LRRTM4: variants seen among roughly 807,000 people sequenced by gnomAD.
The protein encoded by LRRTM4 is leucine-rich repeat transmembrane neuronal protein 4.
A neutral mutation model predicts 47.6 loss-of-function variants in LRRTM4; 25 were observed. That is an observed-to-expected ratio of 0.53 (90% CI 0.38 to 0.73). LRRTM4 has a LOEUF of 0.73. Ranked by LOEUF, LRRTM4 falls within the 30% of genes least tolerant of loss-of-function variation. LRRTM4 has a pLI of 0.00. For synonymous variants in LRRTM4, 311 were observed against 269.5 expected (o/e 1.15, Z -1.51); for missense variants, 638 against 713.4 (o/e 0.89, Z 1.20).
At chr2:76,790,205 G>C (rs1056206519) in intron 3 of LRRTM4, among the ~76,000 whole-genome samples, 20 of 152,124 alleles carry the variant, frequency 1.3e-4, no homozygotes, top group African/African-American at 4.6e-4. Context: ...TCTGTTCTAG[G>C]ACTATGAGTT....
At chr2:76,842,700 T>C (rs1193394760) in intron 3 of LRRTM4, among the ~76,000 whole-genome samples, 1 of 151,950 alleles carries the variant, frequency 6.6e-6, no homozygotes, top group African/African-American at 2.4e-5. Flanking sequence ...CCTCCAATTT[T>C]CTTTTTTTAA....
chr2:76,853,411 A>C (rs982678098), intron 3 of LRRTM4, among the ~76,000 whole-genome samples: 9 of 152,094 alleles, frequency 5.9e-5, no homozygotes, highest in African/African-American at 2.2e-4. Flanking sequence ...TGTTGAGAGC[A>C]CCTGCCACCA....
At chr2:77,408,424 TTAAAA>T (rs1674294531) in intron 3 of LRRTM4, among the ~76,000 whole-genome samples, 1 of 152,206 alleles carries the variant, frequency 6.6e-6, no homozygotes, top group Non-Finnish European at 1.5e-5. Context: ...AAATCCCAAT[TTAAAA>T]TAAGTCATTA....
chr2:77,408,682 G>T lies in LRRTM4; in HGVS notation c.1551+109636C>A, dbSNP rs180903518. Among the ~76,000 whole-genome samples the T allele has an allele frequency of 1.3e-3, 202 of 152,234 alleles. 5 individuals are homozygous for T. Among genetic ancestry groups the T allele is most frequent in the Admixed American group, 0.012 (185 of 15,290 alleles). On this transcript the variant is annotated intron_variant, in intron 3 of 3. Transcript: ENST00000409884. ...CAGGAAGGATAGGTGCTTCTCCTCT[G>T]TCAAGCTCTGATTCCCCATTGTGGC...
At chr2:77,391,286 T>C (rs1673495020) in intron 3 of LRRTM4, among the ~76,000 whole-genome samples, 1 of 152,028 alleles carries the variant, frequency 6.6e-6, no homozygotes, top group Non-Finnish European at 1.5e-5. Flanking sequence ...AAATGGTCTC[T>C]GGAAGGGCAC....
chr2:77,428,710 T>C (rs556846447), intron 3 of LRRTM4, among the ~76,000 whole-genome samples: 1 of 152,328 alleles, frequency 6.6e-6, no homozygotes, highest in South Asian at 2.1e-4. Flanking sequence ...GATAAGGCCA[T>C]TCATTAACGG....
chr2:76,849,540 G>T (rs564336512), intron 3 of LRRTM4, among the ~76,000 whole-genome samples: 1 of 151,636 alleles, frequency 6.6e-6, no homozygotes, highest in Admixed American at 6.6e-5. Flanking sequence ...ATGGGAAAAA[G>T]ACTTCATCAA....
At chr2:76,817,014 G>C (rs1159076609) in intron 3 of LRRTM4, among the ~76,000 whole-genome samples, 1 of 151,718 alleles carries the variant, frequency 6.6e-6, no homozygotes, top group African/African-American at 2.4e-5. Context: ...GGTTAAGCCA[G>C]ATTGTTCTAT....
intron 3 of LRRTM4, among the ~76,000 whole-genome samples, chr2:77,208,840 C>T (rs1000032469): frequency 5.3e-5 from 8 of 152,100 alleles, no homozygotes; most frequent in African/African-American, 1.9e-4. Flanking sequence ...GCATAATATA[C>T]TAAAATAATT....
intron 3 of LRRTM4, among the ~76,000 whole-genome samples, chr2:77,086,013 G>A (rs1190979279): frequency 1.3e-5 from 2 of 152,154 alleles, no homozygotes; most frequent in Admixed American, 6.5e-5. Context: ...AAGGGAGAAA[G>A]TACGTGAGTT....
intron 3 of LRRTM4, among the ~76,000 whole-genome samples, chr2:77,380,654 G>T (rs905532536): frequency 9.9e-5 from 15 of 151,914 alleles, no homozygotes; most frequent in Non-Finnish European, 1.9e-4. Flanking sequence ...AAATTAGCTG[G>T]GCCTGGATGT....
At chr2:77,420,897 C>T (rs894716404) in intron 3 of LRRTM4, among the ~76,000 whole-genome samples, 2 of 144,948 alleles carry the variant, frequency 1.4e-5, no homozygotes, top group African/African-American at 5.0e-5. Flanking sequence ...AATATATTAG[C>T]CTTAAGACTA....
chr2:77,019,671 G>A (rs1027893090), intron 3 of LRRTM4, among the ~76,000 whole-genome samples: 1 of 152,010 alleles, frequency 6.6e-6, no homozygotes, highest in Non-Finnish European at 1.5e-5. Flanking sequence ...CCAATTTCTT[G>A]TTTCAGATAT....
intron 3 of LRRTM4, among the ~76,000 whole-genome samples, chr2:77,147,861 C>T (rs536949636): frequency 1.1e-4 from 17 of 152,242 alleles, no homozygotes; most frequent in East Asian, 1.9e-4. Flanking sequence ...AGCTACCTTA[C>T]GGATACAATA....
chr2:76,811,569 G>C (rs1268968641), intron 3 of LRRTM4, among the ~76,000 whole-genome samples: 2 of 152,142 alleles, frequency 1.3e-5, no homozygotes, highest in African/African-American at 2.4e-5. Flanking sequence ...TCTCATTTCA[G>C]TCAGGAGGTC....
At chr2:77,140,985 A>G (rs1316337684) in intron 3 of LRRTM4, among the ~76,000 whole-genome samples, 1 of 152,166 alleles carries the variant, frequency 6.6e-6, no homozygotes, top group African/African-American at 2.4e-5. Flanking sequence ...GGTGCTGGAG[A>G]GGATGTGGAG....
chr2:76,753,153 G>A (rs1672909036), intron 3 of LRRTM4, among the ~76,000 whole-genome samples: 1 of 152,270 alleles, frequency 6.6e-6, no homozygotes, highest in East Asian at 1.9e-4. Context: ...GGTTGTGAAA[G>A]GGAGGAACCA....
At chr2:77,032,751 C>A (rs1678707318) in intron 3 of LRRTM4, among the ~76,000 whole-genome samples, 1 of 152,010 alleles carries the variant, frequency 6.6e-6, no homozygotes, top group African/African-American at 2.4e-5. Context: ...CGATTTAATT[C>A]TTTTAGGCTT....
chr2:77,232,254 C>T (rs985842957), intron 3 of LRRTM4, among the ~76,000 whole-genome samples: 3 of 152,134 alleles, frequency 2.0e-5, no homozygotes, highest in African/African-American at 7.2e-5. Context: ...ACATATTTTC[C>T]CAAGTCATCA....
Sources: gnomAD v4.1 joint callset for allele counts (sites outside exome capture counted in the v4.1 genomes callset) on GRCh38, gnomAD v4.1.1 for gene constraint, MANE v1.5 for transcripts, NCBI Gene and HGNC (gene_info 2026-07-23, HGNC 2026-07-21) for gene names.